DPYSL3: variants seen among roughly 807,000 people sequenced by gnomAD.
DPYSL3 encodes dihydropyrimidinase like 3.
Under a neutral mutation model 66.1 loss-of-function variants are expected in DPYSL3, and 16 were observed. The observed-to-expected ratio is 0.24, with a 90% CI of 0.16 to 0.37. DPYSL3 has a LOEUF of 0.37. Ranked by LOEUF, DPYSL3 falls within the 10% of genes least tolerant of loss-of-function variation. The pLI is 1.00. For synonymous variants in DPYSL3, 338 were observed against 345.1 expected (o/e 0.98, Z 0.23); for missense variants, 738 against 916.2 (o/e 0.81, Z 2.51).
rs1208097914 is a variant in DPYSL3 at position 147,412,619 on chromosome 5, T to G, written c.952A>C (p.Ile318Leu). Reference sequence around the variant, plus strand: ...CTGCACGGTGTTACCTGGGCAATGATATCCCCATTCTCAGCATGAACTTGA... The same window carrying G: ...CTGCACGGTGTTACCTGGGCAATGAGATCCCCATTCTCAGCATGAACTTGA... ...IAQVHAENGDIIAQEQTRMLE... is the reference protein window; with the variant it reads ...IAQVHAENGDLIAQEQTRMLE... Residue 318 changes from isoleucine (I) to leucine (L), a missense_variant, in exon 6 of 14, where the codon ATC becomes CTC. Coordinates refer to ENST00000343218, the MANE Select transcript of DPYSL3 (RefSeq NM_001197294.2). 6.2e-7 allele frequency: 1 copy of G among 1,612,554 alleles called. No homozygotes were observed. Among genetic ancestry groups the G allele is most frequent in the East Asian group, 2.2e-5 (1 of 44,856 alleles).
In DPYSL3 at chr5:147,453,779, C is replaced by T. The variant is rs1263861502; in HGVS notation, c.382-28816G>A. ...GCTGCCAGAGACAATAGTAAATCTC[C>T]CCGGTCCCCCTTTCACCCCCGCCCC... On this transcript the variant is annotated intron_variant, in intron 1 of 13. Transcript: ENST00000343218. 28 of 1,282,284 alleles carry T rather than the reference C, an allele frequency of 2.2e-5. No individual in the cohort carries two copies. The African/African-American group carries it at 3.1e-4, about 14-fold the overall frequency. 79.4% of individuals were successfully genotyped at this position (1,282,284 alleles called of 1,614,324 possible). A position where few individuals can be genotyped will look rare whatever the true frequency, so the allele number is the denominator to read the frequency against.
chr5:147,395,413 C>T (rs1272746538), intron 13 of DPYSL3, 146 bp downstream of exon 13: 2 of 960,386 alleles, frequency 2.1e-6, no homozygotes, highest in Non-Finnish European at 3.0e-6. Flanking sequence ...TTCCTGCTTG[C>T]CCCAGTAACC....
chr5:147,423,128 G>C (rs1027951967), intron 2 of DPYSL3, among the ~76,000 whole-genome samples: 3 of 152,126 alleles, frequency 2.0e-5, no homozygotes, highest in Non-Finnish European at 4.4e-5. Context: ...CCTCTGAATA[G>C]AGCCAACTAT....
chr5:147,474,091 TGA>T (rs1753122465), intron 1 of DPYSL3, among the ~76,000 whole-genome samples: 1 of 152,082 alleles, frequency 6.6e-6, no homozygotes, highest in Non-Finnish European at 1.5e-5. Context: ...TTAATCTTTT[TGA>T]GTTTGTTTCC....
At chr5:147,508,072 A>G (rs1051349556) in intron 1 of DPYSL3, among the ~76,000 whole-genome samples, 1 of 152,212 alleles carries the variant, frequency 6.6e-6, no homozygotes, top group Non-Finnish European at 1.5e-5. Context: ...CATTTGCAAA[A>G]TATCAGAAGT....
intron 1 of DPYSL3, among the ~76,000 whole-genome samples, chr5:147,435,000 G>A (rs1213216009): frequency 2.0e-5 from 3 of 152,202 alleles, no homozygotes; most frequent in Non-Finnish European, 2.9e-5. Context: ...ACTTGGGGGT[G>A]AGGAGGGAGT....
chr5:147,416,503 C>T (rs1041577704), intron 3 of DPYSL3, among the ~76,000 whole-genome samples: 1 of 152,174 alleles, frequency 6.6e-6, no homozygotes, highest in African/African-American at 2.4e-5. Flanking sequence ...CTTTCACCCA[C>T]AACCATGGAT....
At chr5:147,453,838 C>T in intron 1 of DPYSL3, 1 of 1,044,306 alleles carries the variant, frequency 9.6e-7, no homozygotes, top group Non-Finnish European at 1.2e-6. Flanking sequence ...GCGTTCACGC[C>T]CGGGTTTTGT....
chr5:147,406,037 CA>C, intron 7 of DPYSL3: 1 of 203,460 alleles, frequency 4.9e-6, no homozygotes, highest in East Asian at 1.1e-4. Flanking sequence ...ACAAAGGTGA[CA>C]TCTGAATGAA....
intron 1 of DPYSL3, among the ~76,000 whole-genome samples, chr5:147,447,428 G>A (rs983070898): frequency 6.6e-6 from 1 of 152,282 alleles, no homozygotes; most frequent in East Asian, 1.9e-4. Context: ...ACAGCAAAAG[G>A]AGTCTGAAAA....
chr5:147,455,910 T>TTG (rs72112283), intron 1 of DPYSL3, among the ~76,000 whole-genome samples: 2,096 of 148,516 alleles, frequency 0.014, 23 homozygotes, highest in African/African-American at 0.027. Flanking sequence ...GATCACTTGA[T>TTG]TGTGTGTGTG....
At chr5:147,412,754 T>A in intron 5 of DPYSL3, 66 bp from the exon 6 acceptor site, 1 of 1,395,810 alleles carries the variant, frequency 7.2e-7, no homozygotes, top group South Asian at 1.2e-5. Flanking sequence ...AAGGGCCAAT[T>A]ACCAGAGCCC....
In DPYSL3 at chr5:147,415,696, T is replaced by C. The variant is rs1286896162; in HGVS notation, c.820+13A>G. On this transcript the variant is annotated intron_variant, in intron 4 of 13. Transcript: ENST00000343218. ...AGCTAAGAGAGGAGGGAGGACGGCA[T>C]GTCCGGGCTCACCTTTGTCCTTGAT... 1 of 1,612,214 alleles carries C rather than the reference T, an allele frequency of 6.2e-7. No homozygotes were observed. Among genetic ancestry groups the C allele is most frequent in the South Asian group, 1.1e-5 (1 of 90,674 alleles).
intron 2 of DPYSL3, among the ~76,000 whole-genome samples, chr5:147,423,057 G>T (rs1284397663): frequency 6.6e-6 from 1 of 152,112 alleles, no homozygotes; most frequent in Non-Finnish European, 1.5e-5. Flanking sequence ...GATGAGCTCT[G>T]AAATGAGGAA....
chr5:147,449,074 T>C (rs1202336395), intron 1 of DPYSL3, among the ~76,000 whole-genome samples: 1 of 152,170 alleles, frequency 6.6e-6, no homozygotes, highest in Non-Finnish European at 1.5e-5. Context: ...CTCCATCTCC[T>C]AATATTTTCC....
rs1757849807 is a variant in DPYSL3, at chr5:147,392,734, T to C, written c.*1301A>G. The C allele has an allele frequency of 6.6e-6, 1 of 152,186 alleles. No individual in the cohort carries two copies. The highest frequency in any genetic ancestry group is 2.1e-4 in the South Asian group (1 of 4,820). 9.4% of individuals were successfully genotyped at this position (152,186 alleles called of 1,614,324 possible). On this transcript the variant is annotated 3_prime_UTR_variant, in exon 14 of 14. Coordinates refer to ENST00000343218, the MANE Select transcript of DPYSL3 (RefSeq NM_001197294.2). ...ATGAGGAAGACTGCATCATGTCACT[T>C]CCACTCACTTGGGGAGATTCTAGGA...
chr5:147,452,469 A>ACACC (rs3064306), intron 1 of DPYSL3, among the ~76,000 whole-genome samples: 286 of 150,820 alleles, frequency 1.9e-3, no homozygotes, highest in African/African-American at 6.8e-3. Context: ...ACACACACAC[A>ACACC]CCATCCAATT....
intron 1 of DPYSL3, among the ~76,000 whole-genome samples, chr5:147,477,033 A>C (rs1753164297): frequency 6.6e-6 from 1 of 152,232 alleles, no homozygotes; most frequent in Non-Finnish European, 1.5e-5. Flanking sequence ...AGACACAATA[A>C]GTACCCCCCA....
chr5:147,477,624 G>A (rs576540706), intron 1 of DPYSL3, among the ~76,000 whole-genome samples: 1 of 121,554 alleles, frequency 8.2e-6, no homozygotes, highest in Admixed American at 1.0e-4. Context: ...CGCCCAGGCC[G>A]GACTGCGGAC....
Sources: allele counts gnomAD v4.1 joint callset (sites outside exome capture counted in the v4.1 genomes callset), GRCh38; gene constraint gnomAD v4.1.1; transcripts MANE v1.5; gene names NCBI Gene and HGNC (gene_info 2026-07-23, HGNC 2026-07-21).